Variants in GANC observed in about 807,000 individuals in gnomAD.
GANC encodes neutral alpha-glucosidase C.
Under a neutral mutation model 124.2 loss-of-function variants are expected in GANC, and 117 were observed. The ratio of observed to expected loss-of-function variants is 0.94; its 90% confidence interval spans 0.81 to 1.10. The LOEUF is 1.10. Ranked by LOEUF, GANC falls within the 50% of genes least tolerant of loss-of-function variation. The pLI, the probability that GANC is intolerant of heterozygous loss-of-function variation, is 0.00. For synonymous variants in GANC, 377 were observed against 376.8 expected, an observed-to-expected ratio of 1.00 and a Z score of -0.01; for missense variants, 1,140 against 1,095.0, an observed-to-expected ratio of 1.04 and a Z score of -0.58.
At chr15:42,276,195 A>G (rs2051669491) in intron 1 of GANC, 153 bp from the exon 2 acceptor site, 4 of 552,000 alleles carry the variant, frequency 7.2e-6, no homozygotes, top group Admixed American at 7.3e-5. Flanking sequence ...ATAATGTGCT[A>G]TTATGTTATA....
intron 11 of GANC, among the ~76,000 whole-genome samples, chr15:42,325,421 G>A (rs2052191272): frequency 6.6e-6 from 1 of 152,222 alleles, no homozygotes; most frequent in Non-Finnish European, 1.5e-5. Flanking sequence ...CTAGACTGGT[G>A]GAAGTGATGG....
At chr15:42,301,302 G>A (rs956006559) in intron 6 of GANC, among the ~76,000 whole-genome samples, 3 of 152,162 alleles carry the variant, frequency 2.0e-5, no homozygotes, top group African/African-American at 7.2e-5. Context: ...ATGAGAGACT[G>A]TGCTGTGAGG....
chr15:42,340,784 T>G (rs752452097), intron 18 of GANC, 30 bp downstream of exon 18: 2 of 1,480,140 alleles, frequency 1.4e-6, no homozygotes, highest in Non-Finnish European at 1.8e-6. Flanking sequence ...TTTTTTTTTT[T>G]GAGACGGAGT....
chr15:42,336,795 A>C (rs1208291244), intron 15 of GANC, among the ~76,000 whole-genome samples: 2 of 152,226 alleles, frequency 1.3e-5, no homozygotes, highest in African/African-American at 4.8e-5. Flanking sequence ...GAGAAAAAAC[A>C]AACAGCCCCA....
In GANC at chr15:42,303,670, G is replaced by GGAAA. The variant is rs377648385; in HGVS notation, c.559-2876_559-2875insGAAA. Among the ~76,000 whole-genome samples the GGAAA allele has an allele frequency of 2.2e-4, 28 of 128,588 alleles. No homozygotes were observed. The East Asian group carries it at 4.9e-3, about 23-fold the overall frequency. 84.4% of individuals were successfully genotyped at this position (128,588 alleles called of 152,430 possible). On this transcript the variant is annotated intron_variant, in intron 6 of 23. Transcript: ENST00000318010. The stretch of plus-strand genomic sequence containing the variant: ...AAAGGGAGGGAGGAATATTTACCAA[G>GGAAA]AAAAAAAAAAAAAAAGAAAGCAGGG...
intron 16 of GANC, among the ~76,000 whole-genome samples, chr15:42,339,017 C>T (rs529587445): frequency 8.8e-4 from 134 of 152,182 alleles, no homozygotes; most frequent in Middle Eastern, 6.8e-3. Context: ...TGTAGATGAG[C>T]GATCTCAATA....
In GANC at chr15:42,352,568, C is replaced by T; in HGVS notation, c.*429C>T. ...TGCTCAAGGCCAGTGTCCAAGTGGA[C>T]AGCAGCCTCTGGTACTCCCCCCAGT... On this transcript the variant is annotated 3_prime_UTR_variant, in exon 24 of 24. Coordinates refer to ENST00000318010, the MANE Select transcript of GANC (RefSeq NM_198141.3). 2 of 1,015,638 alleles carry T rather than the reference C, an allele frequency of 2.0e-6. No individual in the cohort carries two copies. The highest frequency in any genetic ancestry group is 1.2e-6 in the Non-Finnish European group (1 of 847,146). The allele number at this position is 1,015,638 out of a possible 1,614,324, so 62.9% of individuals were successfully genotyped here.
At chr15:42,318,140 C>T (rs754280327) in intron 10 of GANC, among the ~76,000 whole-genome samples, 14 of 152,304 alleles carry the variant, frequency 9.2e-5, no homozygotes, top group Non-Finnish European at 1.9e-4. Flanking sequence ...GACCATTGTT[C>T]TCTAGGTTCC....
chr15:42,286,497 T>C (rs2051790173), intron 3 of GANC, among the ~76,000 whole-genome samples: 1 of 152,222 alleles, frequency 6.6e-6, no homozygotes, highest in Non-Finnish European at 1.5e-5. Context: ...GTTAAAATTT[T>C]GATTGTACGC....
chr15:42,331,249 G>T lies in GANC; in HGVS notation c.1741+577G>T, dbSNP rs145977167. Reference sequence around the variant, plus strand: ...CTGAAGAAATGGCCACTTCGTTGTTGGGAGAGTAACTTCTAAGTATTCAGT... The same window carrying T: ...CTGAAGAAATGGCCACTTCGTTGTTTGGAGAGTAACTTCTAAGTATTCAGT... On this transcript the variant is annotated intron_variant, in intron 15 of 23. Coordinates refer to ENST00000318010, the MANE Select transcript of GANC (RefSeq NM_198141.3). Among the ~76,000 whole-genome samples, 381 of 152,316 alleles carry T rather than the reference G, an allele frequency of 2.5e-3. 4 individuals are homozygous for T. The East Asian group carries it at 0.044, about 18-fold the overall frequency.
At chr15:42,274,841 G>C (rs1458864268) in intron 1 of GANC, among the ~76,000 whole-genome samples, 6 of 152,004 alleles carry the variant, frequency 3.9e-5, no homozygotes, top group Non-Finnish European at 7.4e-5. Flanking sequence ...GGATTTGGAG[G>C]CTGCAGTGGA....
Position 42,274,062 on chromosome 15 carries a change from G to A in GANC, c.-420G>A, listed in dbSNP as rs1234485989. The A allele has an allele frequency of 4.2e-6, 1 of 237,328 alleles. No homozygotes were observed. The highest frequency in any genetic ancestry group is 1.6e-4 in the East Asian group (1 of 6,186). 14.7% of individuals were successfully genotyped at this position (237,328 alleles called of 1,614,324 possible). On this transcript the variant is annotated 5_prime_UTR_variant, in exon 1 of 24. In the 5' UTR this introduces an upstream ATG that the reference lacks. Transcript: ENST00000318010. ...CAGAGAGGGTCAGTTTTCAAAATCT[G>A]TGGCGTGACCCCGCCACTGAGATAG...
chr15:42,344,826 G>A (rs1566962054), intron 19 of GANC: 1 of 152,128 alleles, frequency 6.6e-6, no homozygotes, highest in Non-Finnish European at 1.5e-5. Flanking sequence ...GCAAAGTGGT[G>A]GGTTCCCATT....
Position 42,321,795 on chromosome 15 carries a change from C to T in GANC, c.1068C>T (p.Ala356=), listed in dbSNP as rs755489412. Residue 356 remains alanine, a synonymous_variant, in exon 11 of 24, where the codon GCC becomes GCT. Transcript: ENST00000318010. ...ATCTCCCTCTTTTAGGCACACAAGC[C>T]ATGCCCCCTCTTTTCTCTTTGGGAT... The part of the protein sequence containing the change: ...KQYSHLTGTQ[A]MPPLFSLGYH... 59 of 1,614,054 alleles carry T rather than the reference C, an allele frequency of 3.7e-5. No homozygotes were observed. Among genetic ancestry groups the T allele is most frequent in the East Asian group, 3.1e-4 (14 of 44,894 alleles).
Position 42,322,073 on chromosome 15 carries a change from T to A in GANC, c.1293+53T>A, listed in dbSNP as rs138692826. The stretch of plus-strand genomic sequence containing the variant: ...TTTAATTACAGAGTTTTAAAAAATG[T>A]TTTAGACTTGCCTTGGCACATCAGT... On this transcript the variant is annotated intron_variant, in intron 11 of 23. Transcript: ENST00000318010. 43 of 1,465,600 alleles carry A rather than the reference T, an allele frequency of 2.9e-5. No homozygotes were observed. In the African/African-American group the frequency reaches 5.8e-4, roughly 20 times the overall value. The allele number at this position is 1,465,600 out of a possible 1,614,324, so 90.8% of individuals were successfully genotyped here.
intron 11 of GANC, among the ~76,000 whole-genome samples, chr15:42,323,261 T>C (rs2052175302): frequency 6.6e-6 from 1 of 152,158 alleles, no homozygotes; most frequent in South Asian, 2.1e-4. Flanking sequence ...TAATAAGTAG[T>C]TATTTAATGA....
At chr15:42,288,820 G>C (rs1388768805) in intron 4 of GANC, among the ~76,000 whole-genome samples, 1 of 152,092 alleles carries the variant, frequency 6.6e-6, no homozygotes. Flanking sequence ...CACCATGCCT[G>C]CCCTAAATAA....
chr15:42,347,650 A>G (rs2052377549), intron 20 of GANC, among the ~76,000 whole-genome samples: 2 of 152,168 alleles, frequency 1.3e-5, no homozygotes, highest in African/African-American at 4.8e-5. Flanking sequence ...CCAAGAAACC[A>G]CCATCAGTTA....
intron 6 of GANC, among the ~76,000 whole-genome samples, chr15:42,303,132 G>C (rs776894726): frequency 2.0e-5 from 3 of 152,222 alleles, no homozygotes; most frequent in Non-Finnish European, 4.4e-5. Context: ...ACAAAGGGAA[G>C]CCCATCAGAC....
Sources: allele counts gnomAD v4.1 joint callset (sites outside exome capture counted in the v4.1 genomes callset), GRCh38; gene constraint gnomAD v4.1.1; transcripts MANE v1.5; gene names NCBI Gene and HGNC (gene_info 2026-07-23, HGNC 2026-07-21).